The following GPALPP1 variants were observed in gnomAD, a reference collection of about 807,000 sequenced individuals.
The protein encoded by GPALPP1 is GPALPP motifs-containing protein 1.
A neutral mutation model predicts 38.9 loss-of-function variants in GPALPP1; 30 were observed. That is an observed-to-expected ratio of 0.77 (90% CI 0.58 to 1.05). The LOEUF (loss-of-function observed/expected upper bound fraction) is 1.05, where lower values mean the gene tolerates loss of function less well. GPALPP1 is among the 50% of genes least tolerant of loss of function. The probability of loss-of-function intolerance (pLI) is 0.00; values close to 1 mark genes in which losing one functional copy is unlikely to be tolerated. For synonymous variants in GPALPP1, 120 were observed against 139.2 expected (o/e 0.86, Z 0.97); for missense variants, 384 against 408.8 (o/e 0.94, Z 0.52).
At chr13:45,003,575 T>A (rs1157868470) in intron 1 of GPALPP1, among the ~76,000 whole-genome samples, 1 of 152,182 alleles carries the variant, frequency 6.6e-6, no homozygotes, top group Non-Finnish European at 1.5e-5. Context: ...CTATTTAGGA[T>A]CAACCTGGAC....
intron 4 of GPALPP1, among the ~76,000 whole-genome samples, chr13:45,014,014 T>C (rs1874657826): frequency 3.3e-5 from 5 of 152,196 alleles, no homozygotes; most frequent in African/African-American, 1.2e-4. Flanking sequence ...CCTGCTTTTG[T>C]TTGCCCCTGA....
In GPALPP1 at chr13:45,024,286, GTGTGTGTGTGTGTGTGTGTGTGTT is replaced by G. The variant is rs1309207875; in HGVS notation, c.805-3497_805-3474del. 8.1e-5 allele frequency among the ~76,000 whole-genome samples: 12 copies of G among 147,884 alleles called. No individual in the cohort carries two copies. The South Asian group carries it at 1.5e-3, about 19-fold the overall frequency. On this transcript the variant is annotated intron_variant, in intron 7 of 7. Transcript: ENST00000379151. ...TCTGTGTGTGTGTGTGTGTGTGTGTGTGTGTGTGTGTGTGTGTGTGTGTTTTGAGACTGAGTCTCGCTCTGCTCC... is the reference window on the plus strand; with the variant it reads ...TCTGTGTGTGTGTGTGTGTGTGTGTGTTGAGACTGAGTCTCGCTCTGCTCC...
At position 45,027,977 on chromosome 13, in the gene GPALPP1, C is replaced by T; in HGVS notation, c.997C>T (p.His333Tyr). The T allele has an allele frequency of 4.4e-6, 7 of 1,600,886 alleles. No individual in the cohort carries two copies. Among genetic ancestry groups the T allele is most frequent in the Non-Finnish European group, 6.0e-6 (7 of 1,168,340 alleles). The change falls in exon 8 of 8, where the codon CAC (histidine) becomes TAC (tyrosine). Residue 333 changes from histidine (H) to tyrosine (Y), a missense_variant. Transcript: ENST00000379151. The part of the protein sequence containing the change: ...KSRELNTRFS[H>Y]GKGNMFL ...TAGAGAACTAAACACCAGATTTTCA[C>T]ACGGCAAAGGCAATATGTTTTTATA... is the stretch of plus-strand genomic sequence containing the variant.
At chr13:45,033,457 A>T (rs957788912), downstream of GPALPP1, 1 of 152,228 alleles carries the variant, frequency 6.6e-6, no homozygotes, top group Non-Finnish European at 1.5e-5. Flanking sequence ...AGCTTAAAAA[A>T]TTGCTTGTGA....
chr13:44,994,885 C>T (rs1054558359), intron 1 of GPALPP1, among the ~76,000 whole-genome samples: 2 of 151,422 alleles, frequency 1.3e-5, no homozygotes, highest in African/African-American at 4.9e-5. Context: ...CGGAGTTTCG[C>T]TCTTGTTGCC....
chr13:45,020,270 A>T, intron 6 of GPALPP1, 60 bp from the exon 7 acceptor site: 2 of 709,152 alleles, frequency 2.8e-6, no homozygotes, highest in South Asian at 1.7e-5. Flanking sequence ...AATAATATTT[A>T]TTTTTTGTTT....
chr13:45,021,329 C>T (rs1163738012), intron 7 of GPALPP1, among the ~76,000 whole-genome samples: 5 of 152,130 alleles, frequency 3.3e-5, no homozygotes, highest in Admixed American at 2.0e-4. Context: ...GTGAAGCATG[C>T]TTAAAACATT....
At chr13:45,012,510 T>C (rs970502814) in intron 4 of GPALPP1, among the ~76,000 whole-genome samples, 3 of 152,148 alleles carry the variant, frequency 2.0e-5, no homozygotes, top group Non-Finnish European at 2.9e-5. Context: ...TTTTTCAAAA[T>C]AAAAAATTGG....
intron 1 of GPALPP1, among the ~76,000 whole-genome samples, chr13:44,995,169 A>AACACACACACGC (rs1873160643): frequency 7.8e-6 from 1 of 128,534 alleles, no homozygotes; most frequent in East Asian, 2.5e-4. Context: ...CCTATCTTTA[A>AACACACACACGC]ACACACACAC....
chr13:45,015,438 T>C lies in GPALPP1; in HGVS notation c.547T>C (p.Ser183Pro). ...TTTTTTTTTTCTCTTAAAGGATTCA[T>C]CTAAACCCATTGTAAGAGAGTCATG... The part of the protein sequence containing the change: ...EKLTKGDDDS[S>P]KPIVRESWMT... Residue 183 changes from serine to proline, a missense_variant, in exon 6 of 8, where the codon TCT becomes CCT. Ser to Pro is a moderately conservative substitution (Grantham distance 74, BLOSUM62 -1). Transcript: ENST00000379151. The C allele has an allele frequency of 6.3e-7, 1 of 1,582,078 alleles. No homozygotes were observed. The highest frequency in any genetic ancestry group is 8.6e-7 in the Non-Finnish European group (1 of 1,165,356).
intron 1 of GPALPP1, among the ~76,000 whole-genome samples, chr13:44,994,989 G>A (rs531975432): frequency 2.0e-5 from 3 of 152,024 alleles, no homozygotes; most frequent in South Asian, 4.1e-4. Flanking sequence ...AAGTAGCTGG[G>A]ATACAGGCGT....
At chr13:45,003,475 G>C (rs1311457575) in intron 1 of GPALPP1, among the ~76,000 whole-genome samples, 1 of 152,118 alleles carries the variant, frequency 6.6e-6, no homozygotes, top group Non-Finnish European at 1.5e-5. Context: ...TCTGAGAAAA[G>C]GGCCCATGAA....
chr13:44,992,990 T>C (rs1872942223), intron 1 of GPALPP1, among the ~76,000 whole-genome samples: 1 of 152,214 alleles, frequency 6.6e-6, no homozygotes, highest in African/African-American at 2.4e-5. Context: ...CCATCTACTT[T>C]CTTTTTCTGT....
At chr13:45,003,331 A>T (rs73181507) in intron 1 of GPALPP1, among the ~76,000 whole-genome samples, 21,390 of 152,194 alleles carry the variant, frequency 0.14, 2,395 homozygotes, top group African/African-American at 0.29. Context: ...GTTATTTGTT[A>T]TTTATTTATT....
chr13:44,996,746 G>T (rs1873307377), intron 1 of GPALPP1, among the ~76,000 whole-genome samples: 1 of 140,152 alleles, frequency 7.1e-6, no homozygotes, highest in African/African-American at 2.7e-5. Flanking sequence ...GCCTCCCAAA[G>T]TACTGGGATT....
chr13:45,008,907 G>C, intron 4 of GPALPP1, 28 bp downstream of exon 4: 1 of 1,275,224 alleles, frequency 7.8e-7, no homozygotes, highest in Admixed American at 1.7e-5. Flanking sequence ...CAACTCTAAG[G>C]TTTGGAAAGT....
At position 45,028,182 on chromosome 13, in the gene GPALPP1, T is replaced by A. The variant is rs1013120102; in HGVS notation, c.*179T>A. The A allele has an allele frequency of 6.8e-5, 25 of 368,090 alleles. No homozygotes were observed. The highest frequency in any genetic ancestry group is 5.3e-4 in the African/African-American group (25 of 47,266). The allele number at this position is 368,090 out of a possible 1,614,324, so 22.8% of individuals were successfully genotyped here. Reference sequence around the variant, plus strand: ...TCAGCCTTGTGGGATGAAAAATATGTCTTACTGGAAAAATCCCTCATAATA... The same window carrying A: ...TCAGCCTTGTGGGATGAAAAATATGACTTACTGGAAAAATCCCTCATAATA... On this transcript the variant is annotated 3_prime_UTR_variant, in exon 8 of 8. Transcript: ENST00000379151.
At chr13:45,020,652 A>G (rs1183269881) in intron 7 of GPALPP1, among the ~76,000 whole-genome samples, 2 of 151,930 alleles carry the variant, frequency 1.3e-5, no homozygotes, top group South Asian at 2.1e-4. Context: ...AAAAAAAAAA[A>G]AAAGGAAGCC....
At chr13:45,007,831 A>G (rs1429953302) in intron 3 of GPALPP1, among the ~76,000 whole-genome samples, 2 of 152,236 alleles carry the variant, frequency 1.3e-5, no homozygotes, top group African/African-American at 4.8e-5. Context: ...CATTTGTACA[A>G]AAGCAAGGAT....
Sources: allele counts gnomAD v4.1 joint callset (sites outside exome capture counted in the v4.1 genomes callset), GRCh38; gene constraint gnomAD v4.1.1; transcripts MANE v1.5; gene names NCBI Gene and HGNC (gene_info 2026-07-23, HGNC 2026-07-21).